The following DUSP22 variants were observed in gnomAD, a reference collection of about 807,000 sequenced individuals.
DUSP22 encodes dual specificity protein phosphatase 22.
In DUSP22, 24 loss-of-function variants were observed where a neutral mutation model predicts 24.5. The observed-to-expected ratio is 0.98, with a 90% CI of 0.71 to 1.38. The LOEUF is 1.38. DUSP22 is among the 40% of genes most tolerant of loss of function. The pLI is 0.00. For synonymous variants in DUSP22, 160 were observed against 106.4 expected, an observed-to-expected ratio of 1.50 and a Z score of -3.10; for missense variants, 330 against 269.2, an observed-to-expected ratio of 1.23 and a Z score of -1.58.
At chr6:297,544 G>T (rs1757394473) in intron 1 of DUSP22, among the ~76,000 whole-genome samples, 1 of 152,304 alleles carries the variant, frequency 6.6e-6, no homozygotes, top group Non-Finnish European at 1.5e-5. Flanking sequence ...CTGCCATGTG[G>T]ATTATGAGAG....
At chr6:318,029 A>G (rs1192169734) in intron 3 of DUSP22, among the ~76,000 whole-genome samples, 1 of 152,310 alleles carries the variant, frequency 6.6e-6, no homozygotes, top group Non-Finnish European at 1.5e-5. Flanking sequence ...CCTCGCTTAT[A>G]TGGGCAGTCT....
At position 351,041 on chromosome 6, in the gene DUSP22, C is replaced by A; in HGVS notation, c.*2090C>A. 1 of 1,021,820 alleles carries A rather than the reference C, an allele frequency of 9.8e-7. No individual in the cohort carries two copies. The highest frequency in any genetic ancestry group is 1.4e-6 in the Non-Finnish European group (1 of 699,956). The allele number at this position is 1,021,820 out of a possible 1,614,324, so 63.3% of individuals were successfully genotyped here. A position where few individuals can be genotyped will look rare whatever the true frequency, so the allele number is the denominator to read the frequency against. On this transcript the variant is annotated 3_prime_UTR_variant, in exon 7 of 7. Transcript: ENST00000419235. ...GTTGAGAACTAAGGATATTCTTTAGCAAGAGAAAATATTTTCCCCTTATCC... is the reference window on the plus strand; with the variant it reads ...GTTGAGAACTAAGGATATTCTTTAGAAAGAGAAAATATTTTCCCCTTATCC...
chr6:347,786 C>T (rs563802793), intron 5 of DUSP22, among the ~76,000 whole-genome samples: 33 of 152,398 alleles, frequency 2.2e-4, no homozygotes, highest in Non-Finnish European at 3.4e-4. Context: ...TCAGTTATGT[C>T]GTTTGTCCGG....
intron 4 of DUSP22, among the ~76,000 whole-genome samples, chr6:342,831 A>G (rs1237888409): frequency 6.6e-6 from 1 of 152,310 alleles, no homozygotes; most frequent in African/African-American, 2.4e-5. Flanking sequence ...CAACATGGAC[A>G]GAGCTGCAGG....
intron 1 of DUSP22, among the ~76,000 whole-genome samples, chr6:303,566 G>T (rs1217330960): frequency 6.6e-6 from 1 of 151,860 alleles, no homozygotes; most frequent in African/African-American, 2.4e-5. Flanking sequence ...AAGGAAGATA[G>T]GGGAGCTGCA....
intron 4 of DUSP22, chr6:338,049 A>T (rs931158344): frequency 3.3e-5 from 5 of 152,494 alleles, no homozygotes; most frequent in Admixed American, 2.0e-4. Flanking sequence ...GTTTCAGCTG[A>T]AAAAGGAAGT....
At chr6:337,823 C>A (rs957595556) in intron 4 of DUSP22, among the ~76,000 whole-genome samples, 1 of 152,422 alleles carries the variant, frequency 6.6e-6, no homozygotes, top group East Asian at 1.9e-4. Context: ...TGAAGAGGTC[C>A]TGTTAAGTTT....
chr6:334,530 G>GA (rs1211507037), intron 3 of DUSP22, among the ~76,000 whole-genome samples: 3 of 152,192 alleles, frequency 2.0e-5, no homozygotes, highest in African/African-American at 4.8e-5. Flanking sequence ...CTTTAAAAAA[G>GA]AAAAAAGTAT....
intron 3 of DUSP22, among the ~76,000 whole-genome samples, chr6:317,465 C>G (rs1433844055): frequency 1.3e-5 from 2 of 152,310 alleles, no homozygotes; most frequent in Non-Finnish European, 2.9e-5. Context: ...CTCTCCTGCT[C>G]ACATGAATTC....
At chr6:317,921 C>G (rs1354248873) in intron 3 of DUSP22, among the ~76,000 whole-genome samples, 1 of 152,426 alleles carries the variant, frequency 6.6e-6, no homozygotes, top group South Asian at 2.1e-4. Flanking sequence ...TCTTTGGCCC[C>G]TTGTGGCTCA....
At position 345,918 on chromosome 6, in the gene DUSP22, C is replaced by T. The variant is rs1308231040; in HGVS notation, c.253C>T (p.Leu85Phe). ...GTGCCGGCTCCGCGGTGAGAGCTGC[C>T]TTGTACACTGGTACGTGTGTCTCTT... is the stretch of plus-strand genomic sequence containing the variant. ...HECRLRGESC[L>F]VHCLAGVSRS... The change falls in exon 5 of 7, where the codon CTT becomes TTT. Residue 85 changes from leucine (L) to phenylalanine (F), a missense_variant. Physicochemically the swap from Leu to Phe is conservative, Grantham distance 22. Transcript: ENST00000419235. 1.2e-6 allele frequency: 2 copies of T among 1,614,250 alleles called. No individual in the cohort carries two copies. Among genetic ancestry groups the T allele is most frequent in the Admixed American group, 1.7e-5 (1 of 60,032 alleles).
intron 1 of DUSP22, among the ~76,000 whole-genome samples, chr6:296,705 T>G (rs1757348194): frequency 6.6e-6 from 1 of 152,298 alleles, no homozygotes; most frequent in South Asian, 2.1e-4. Flanking sequence ...AAACGACTAG[T>G]CTCTAGCCAA....
rs796542518 is a variant in DUSP22, at chr6:322,413, C to T, written c.138+10451C>T. On this transcript the variant is annotated intron_variant, in intron 3 of 6. Transcript: ENST00000419235. ...CAGTCCTTGGGGTTCCCTGCAGGGG[C>T]GCCTCAGGGTACTCTGGCCCCAGTG... Among the ~76,000 whole-genome samples, 10 of 152,420 alleles carry T rather than the reference C, an allele frequency of 6.6e-5. No homozygotes were observed. In the South Asian group the frequency reaches 8.3e-4, roughly 13 times the overall value.
At chr6:318,013 A>G (rs1321386970) in intron 3 of DUSP22, among the ~76,000 whole-genome samples, 1 of 152,298 alleles carries the variant, frequency 6.6e-6, no homozygotes, top group Non-Finnish European at 1.5e-5. Flanking sequence ...GGTTAGTGCA[A>G]TGCAGCCTCG....
At chr6:301,572 G>A (rs1341903381) in intron 1 of DUSP22, among the ~76,000 whole-genome samples, 2 of 152,304 alleles carry the variant, frequency 1.3e-5, no homozygotes, top group African/African-American at 4.8e-5. Context: ...ATAGGACAGA[G>A]GAATGAGTTC....
Position 349,749 on chromosome 6 carries a change from C to G in DUSP22, c.*798C>G. 1 of 986,014 alleles carries G rather than the reference C, an allele frequency of 1.0e-6. No individual in the cohort carries two copies. The highest frequency in any genetic ancestry group is 1.2e-6 in the Non-Finnish European group (1 of 830,316). 61.1% of individuals were successfully genotyped at this position (986,014 alleles called of 1,614,324 possible). A position where few individuals can be genotyped will look rare whatever the true frequency, so the allele number is the denominator to read the frequency against. ...ATGCACCAGGCTGAGGGTTCCCTAG[C>G]GCCTTGAGTCAAGGCCACTTTTCAG... On this transcript the variant is annotated 3_prime_UTR_variant, in exon 7 of 7. Coordinates refer to ENST00000419235, the MANE Select transcript of DUSP22 (RefSeq NM_001286555.3).
chr6:346,255 G>A (rs1450528370), intron 5 of DUSP22, among the ~76,000 whole-genome samples: 1 of 152,304 alleles, frequency 6.6e-6, no homozygotes, highest in Non-Finnish European at 1.5e-5. Flanking sequence ...TCTTACAGAT[G>A]ACCCAGATTC....
intron 1 of DUSP22, among the ~76,000 whole-genome samples, chr6:293,954 A>G (rs1378891955): frequency 1.3e-5 from 2 of 152,288 alleles, no homozygotes; most frequent in African/African-American, 2.4e-5. Context: ...AAAGATGGTC[A>G]TCATAAGTCT....
chr6:347,879 T>C (rs1336273002), intron 5 of DUSP22, among the ~76,000 whole-genome samples: 2 of 152,278 alleles, frequency 1.3e-5, no homozygotes, highest in African/African-American at 4.8e-5. Flanking sequence ...TAAAAGAAGC[T>C]CAAACAGCAG....
Sources: allele counts gnomAD v4.1 joint callset (sites outside exome capture counted in the v4.1 genomes callset), GRCh38; gene constraint gnomAD v4.1.1; transcripts MANE v1.5; gene names NCBI Gene and HGNC (gene_info 2026-07-23, HGNC 2026-07-21).